PIWIL2: variants seen among roughly 807,000 people sequenced by gnomAD.
The protein encoded by PIWIL2 is piwi like RNA-mediated gene silencing 2.
PIWIL2 carries 81 observed loss-of-function variants against 116.5 expected under a neutral mutation model. The ratio of observed to expected loss-of-function variants is 0.70; its 90% CI spans 0.58 to 0.84. The LOEUF is 0.84. Among genes scored for constraint, PIWIL2 ranks in the 40% least tolerant of loss-of-function variants. The pLI is 0.00. For synonymous variants in PIWIL2, 489 were observed against 429.5 expected, an observed-to-expected ratio of 1.14 and a Z score of -1.71; for missense variants, 1,272 against 1,212.3, an observed-to-expected ratio of 1.05 and a Z score of -0.73.
chr8:22,330,491 G>T (rs938477590), intron 20 of PIWIL2, among the ~76,000 whole-genome samples: 1 of 151,866 alleles, frequency 6.6e-6, no homozygotes, highest in African/African-American at 2.4e-5. Flanking sequence ...GAGGTCAGGG[G>T]TTCGAGACCA....
intron 3 of PIWIL2, 52 bp from the exon 4 acceptor site, chr8:22,281,320 ATACTT>A (rs1830494391): frequency 4.5e-6 from 7 of 1,567,510 alleles, no homozygotes; most frequent in Non-Finnish European, 6.0e-6. Flanking sequence ...AAAAAAAACT[ATACTT>A]TAAAACACGT....
At chr8:22,353,805 C>G (rs1001797471) in intron 21 of PIWIL2, among the ~76,000 whole-genome samples, 2 of 78,988 alleles carry the variant, frequency 2.5e-5, no homozygotes, top group Non-Finnish European at 4.7e-5. Context: ...GGCAGGGTCT[C>G]GCTTTGTTGT....
intron 11 of PIWIL2, 72 bp downstream of exon 11, chr8:22,304,281 G>A: frequency 2.1e-6 from 2 of 931,362 alleles, no homozygotes; most frequent in South Asian, 3.0e-5. Flanking sequence ...AGCAGATATT[G>A]AGTTCTGCAA....
chr8:22,325,685 T>C (rs1831709479), intron 20 of PIWIL2, among the ~76,000 whole-genome samples: 1 of 152,010 alleles, frequency 6.6e-6, no homozygotes, highest in South Asian at 2.1e-4. Context: ...GATTTCACCA[T>C]GTTGACCAAC....
chr8:22,354,244 TC>T (rs1563439099), intron 21 of PIWIL2, 26 bp from the exon 22 acceptor site: 1 of 1,445,810 alleles, frequency 6.9e-7, no homozygotes, highest in South Asian at 1.1e-5. Flanking sequence ...TCCGACCATT[TC>T]ACTGATTTAT....
intron 15 of PIWIL2, among the ~76,000 whole-genome samples, chr8:22,310,328 C>G (rs1448281807): frequency 2.0e-5 from 3 of 152,124 alleles, no homozygotes; most frequent in African/African-American, 7.2e-5. Context: ...AACCTGTTAC[C>G]CACTCTCCCT....
chr8:22,300,847 T>G (rs965955491), intron 10 of PIWIL2, among the ~76,000 whole-genome samples: 2 of 152,232 alleles, frequency 1.3e-5, no homozygotes, highest in Non-Finnish European at 2.9e-5. Context: ...ATATTTGGGT[T>G]GTTGTTTTTA....
intron 8 of PIWIL2, 136 bp from the exon 9 acceptor site, chr8:22,289,711 A>G (rs893017749): frequency 3.3e-5 from 20 of 612,608 alleles, no homozygotes; most frequent in Non-Finnish European, 4.6e-5. Context: ...ATTGTTCTCA[A>G]TATAAAAGCT....
At position 22,288,672 on chromosome 8, in the gene PIWIL2, A is replaced by G. The variant is rs1389168235; in HGVS notation, c.986+6A>G. The G allele has an allele frequency of 1.2e-6, 2 of 1,605,686 alleles. No individual in the cohort carries two copies. Among genetic ancestry groups the G allele is most frequent in the Non-Finnish European group, 8.5e-7 (1 of 1,176,240 alleles). On this transcript the variant is annotated splice_donor_region_variant and intron_variant, in intron 8 of 22. Transcript: ENST00000356766. Reference sequence around the variant, plus strand: ...TACAATGTTGTTTTCCGTCGGTAAGAAAACAGCTGAAGTTCTATTGTCCTG... The same window carrying G: ...TACAATGTTGTTTTCCGTCGGTAAGGAAACAGCTGAAGTTCTATTGTCCTG...
intron 18 of PIWIL2, among the ~76,000 whole-genome samples, chr8:22,315,727 A>G (rs1457203015): frequency 6.6e-6 from 1 of 152,224 alleles, no homozygotes; most frequent in Admixed American, 6.5e-5. Context: ...TTTCACTGGA[A>G]TACAGCCATA....
Position 22,353,764 on chromosome 8 carries a change from CTT to C in PIWIL2, c.2658-480_2658-479del, listed in dbSNP as rs760913894. The stretch of plus-strand genomic sequence containing the variant: ...CAGGAAGATAAGGGAGTTTCTACCA[CTT>C]TTTTTTTTTTTTTTTTTTTTTTTTT... On this transcript the variant is annotated intron_variant, in intron 21 of 22. Transcript: ENST00000356766. 2.3e-4 allele frequency among the ~76,000 whole-genome samples: 16 copies of C among 68,364 alleles called. No individual in the cohort carries two copies. The East Asian group carries it at 3.4e-3, about 15-fold the overall frequency. 44.8% of individuals were successfully genotyped at this position (68,364 alleles called of 152,430 possible). A position where few individuals can be genotyped will look rare whatever the true frequency, so the allele number is the denominator to read the frequency against.
chr8:22,327,138 CT>C (rs1014177313), intron 20 of PIWIL2, among the ~76,000 whole-genome samples: 1 of 149,540 alleles, frequency 6.7e-6, no homozygotes, highest in African/African-American at 2.5e-5. Flanking sequence ...AGAGATTGTC[CT>C]GTCTCAGCGT....
chr8:22,287,787 G>A (rs867257060), intron 7 of PIWIL2, 142 bp downstream of exon 7: 18 of 643,034 alleles, frequency 2.8e-5, no homozygotes, highest in East Asian at 8.2e-5. Flanking sequence ...GACTACAGGC[G>A]TGTGAGCCAC....
At chr8:22,330,363 T>C (rs2132077792) in intron 20 of PIWIL2, among the ~76,000 whole-genome samples, 2 of 152,242 alleles carry the variant, frequency 1.3e-5, no homozygotes, top group Middle Eastern at 6.8e-3. Flanking sequence ...TTCGTTAAGG[T>C]CTTAAGACAT....
Position 22,357,105 on chromosome 8 carries a change from A to G in PIWIL2, c.*1600A>G, listed in dbSNP as rs1832504894. On this transcript the variant is annotated 3_prime_UTR_variant, in exon 23 of 23. Transcript: ENST00000356766. ...AAATGTGCTCACTTCAGCAGCACAT[A>G]TACTAAAATTAAAATGATATAGAGA... 6.6e-6 allele frequency: 1 copy of G among 152,230 alleles called. No homozygotes were observed. Among genetic ancestry groups the G allele is most frequent in the Non-Finnish European group, 1.5e-5 (1 of 68,046 alleles). 9.4% of individuals were successfully genotyped at this position (152,230 alleles called of 1,614,324 possible). A position where few individuals can be genotyped will look rare whatever the true frequency, so the allele number is the denominator to read the frequency against.
At chr8:22,307,426 C>T (rs1469318643) in intron 13 of PIWIL2, among the ~76,000 whole-genome samples, 2 of 150,548 alleles carry the variant, frequency 1.3e-5, no homozygotes, top group South Asian at 4.2e-4. Context: ...AAGATCCACA[C>T]ATCATGAAAG....
intron 15 of PIWIL2, among the ~76,000 whole-genome samples, chr8:22,310,894 T>C (rs1202141222): frequency 6.6e-6 from 1 of 152,242 alleles, no homozygotes; most frequent in East Asian, 1.9e-4. Context: ...TTGTTAGGCA[T>C]GGTTGTTGCT....
chr8:22,305,837 G>A, intron 12 of PIWIL2, 90 bp from the exon 13 acceptor site: 1 of 879,146 alleles, frequency 1.1e-6, no homozygotes, highest in Non-Finnish European at 1.9e-6. Flanking sequence ...TATCACTGCA[G>A]GAGCAGCCCT....
intron 10 of PIWIL2, among the ~76,000 whole-genome samples, 191 bp from the exon 11 acceptor site, chr8:22,303,830 C>T (rs941999857): frequency 2.6e-5 from 4 of 152,190 alleles, no homozygotes; most frequent in Non-Finnish European, 5.9e-5. Context: ...CCTCCTGCCT[C>T]TGCCTCCTAA....
Sources: allele counts gnomAD v4.1 joint callset (sites outside exome capture counted in the v4.1 genomes callset), GRCh38; gene constraint gnomAD v4.1.1; transcripts MANE v1.5; gene names NCBI Gene and HGNC (gene_info 2026-07-23, HGNC 2026-07-21).